CDH11: variants seen among roughly 807,000 people sequenced by gnomAD.
CDH11 encodes the protein cadherin 11, also known as cadherin-11.
Under a neutral mutation model 67.8 loss-of-function variants are expected in CDH11, and 11 were observed. The ratio of observed to expected loss-of-function variants is 0.16; its 90% CI spans 0.10 to 0.27. The LOEUF (loss-of-function observed/expected upper bound fraction) is 0.27, where lower values mean the gene tolerates loss of function less well. Among genes scored for constraint, CDH11 ranks in the 10% least tolerant of loss-of-function variants. The pLI, the probability that CDH11 is intolerant of heterozygous loss-of-function variation, is 1.00. For missense variants in CDH11, 847 were observed against 1,031.2 expected, an observed-to-expected ratio of 0.82 and a Z score of 2.45; for synonymous variants, 419 against 400.0, an observed-to-expected ratio of 1.05 and a Z score of -0.57.
At chr16:65,037,623 C>A (rs538984039) in intron 2 of CDH11, among the ~76,000 whole-genome samples, 50 of 152,130 alleles carry the variant, frequency 3.3e-4, no homozygotes, top group Non-Finnish European at 6.9e-4. Context: ...CCCCTAACAA[C>A]CCTGCTAGAG....
intron 2 of CDH11, among the ~76,000 whole-genome samples, chr16:65,032,544 C>G (rs1006096081): frequency 6.6e-6 from 1 of 151,960 alleles, no homozygotes; most frequent in African/African-American, 2.4e-5. Context: ...TGGCATCAAA[C>G]AAAATGATGT....
chr16:65,098,200 G>T (rs570390948), intron 1 of CDH11, among the ~76,000 whole-genome samples: 1 of 152,028 alleles, frequency 6.6e-6, no homozygotes, highest in Non-Finnish European at 1.5e-5. Flanking sequence ...GTAATGAGAG[G>T]TTCAATATTT....
At chr16:65,078,816 G>T (rs1403990022) in intron 1 of CDH11, among the ~76,000 whole-genome samples, 1 of 152,156 alleles carries the variant, frequency 6.6e-6, no homozygotes, top group Non-Finnish European at 1.5e-5. Context: ...GGAACCATGT[G>T]CAACTAATGC....
At chr16:65,091,263 T>C (rs910406423) in intron 1 of CDH11, among the ~76,000 whole-genome samples, 1 of 152,242 alleles carries the variant, frequency 6.6e-6, no homozygotes, top group Non-Finnish European at 1.5e-5. Flanking sequence ...ATTTTTGCCA[T>C]GATAGATATT....
intron 11 of CDH11, among the ~76,000 whole-genome samples, chr16:64,956,656 A>C (rs2071520506): frequency 6.6e-6 from 1 of 152,216 alleles, no homozygotes; most frequent in Admixed American, 6.5e-5. Context: ...TAATTACCAG[A>C]ATATGTCATG....
Position 64,988,172 on chromosome 16 carries a change from C to A in CDH11, c.984G>T (p.Val328=). 6.2e-7 allele frequency: 1 copy of A among 1,608,092 alleles called. No individual in the cohort carries two copies. Among genetic ancestry groups the A allele is most frequent in the Non-Finnish European group, 8.5e-7 (1 of 1,177,144 alleles). ...ITTDYETQEG[V]IKLKKPVDFE... is the part of the protein sequence containing the mutation. ...CCTAACTCACCTTTTTCAGCTTTAT[C>A]ACCCCCTCCTGTGTTTCATAGTCCG... The change falls in exon 7 of 13, where the codon GTG becomes GTT. Residue 328 remains valine, a synonymous_variant. Transcript: ENST00000268603.
rs1207397730 is a variant in CDH11, at chr16:64,973,021, T to C, written c.1273A>G (p.Thr425Ala). Residue 425 changes from threonine to alanine, a missense_variant, in exon 9 of 13, where the codon ACT becomes GCT. Around this residue, in one of 2 missense-constraint regions of CDH11, gnomAD observed 612 missense variants for 678.7 expected, o/e 0.90. Transcript: ENST00000268603. The stretch of plus-strand genomic sequence containing the variant: ...ATAGTGAAAAATCTGTCGAGGTCAG[T>C]GTGACGATCGATGGAATACCTAAGC... ...SPIRYSIDRH[T>A]DLDRFFTINP... 2 of 1,613,600 alleles carry C rather than the reference T, an allele frequency of 1.2e-6. No individual in the cohort carries two copies. The highest frequency in any genetic ancestry group is 1.1e-5 in the South Asian group (1 of 91,072).
chr16:65,094,632 T>C (rs2074855112), intron 1 of CDH11: 1 of 152,192 alleles, frequency 6.6e-6, no homozygotes, highest in African/African-American at 2.4e-5. Flanking sequence ...CTCTCCTTTG[T>C]ACCCCTCTCT....
At chr16:65,074,738 AAAC>A (rs2074479960) in intron 1 of CDH11, among the ~76,000 whole-genome samples, 1 of 152,218 alleles carries the variant, frequency 6.6e-6, no homozygotes, top group Middle Eastern at 3.2e-3. Flanking sequence ...TAATAAATAA[AAAC>A]AACTTAACTG....
Position 65,088,617 on chromosome 16 carries a change from T to C in CDH11, c.-298+33263A>G, listed in dbSNP as rs530106196. On this transcript the variant is annotated intron_variant, in intron 1 of 12. Transcript: ENST00000268603. The stretch of plus-strand genomic sequence containing the variant: ...AGAATTCCTCTAAGGGGTAATCATT[T>C]AGCACGTTTTCACTTTTGCCTCCTA... Among the ~76,000 whole-genome samples, 20 of 152,352 alleles carry C rather than the reference T, an allele frequency of 1.3e-4. No homozygotes were observed. In the South Asian group the frequency reaches 4.1e-3, roughly 32 times the overall value.
chr16:64,981,453 A>T (rs1235451535), intron 8 of CDH11: 1 of 152,116 alleles, frequency 6.6e-6, no homozygotes, highest in Non-Finnish European at 1.5e-5. Context: ...GGTATTCATA[A>T]TAATAAAATC....
chr16:65,050,051 C>T (rs1179115370), intron 2 of CDH11, among the ~76,000 whole-genome samples: 1 of 152,146 alleles, frequency 6.6e-6, no homozygotes, highest in Non-Finnish European at 1.5e-5. Flanking sequence ...CTGCGACCAG[C>T]AATTCCTGCT....
intron 2 of CDH11, among the ~76,000 whole-genome samples, chr16:65,022,764 T>C (rs778814653): frequency 7.9e-5 from 12 of 151,964 alleles, no homozygotes; most frequent in Non-Finnish European, 1.5e-4. Context: ...CAATATCAAA[T>C]GCTGAAAAAA....
At chr16:65,112,696 C>T (rs970281) in intron 1 of CDH11, among the ~76,000 whole-genome samples, 19,533 of 152,166 alleles carry the variant, frequency 0.13, 1,396 homozygotes, top group East Asian at 0.22. Context: ...CATTCTTACT[C>T]TGTTCTTTAC....
At chr16:65,081,121 T>C (rs147690448) in intron 1 of CDH11, among the ~76,000 whole-genome samples, 18 of 152,336 alleles carry the variant, frequency 1.2e-4, no homozygotes, top group African/African-American at 3.8e-4. Context: ...CATATGTCTG[T>C]CTAAATTCTA....
intron 2 of CDH11, among the ~76,000 whole-genome samples, chr16:65,020,100 A>G (rs1327131812): frequency 6.6e-6 from 1 of 152,184 alleles, no homozygotes; most frequent in African/African-American, 2.4e-5. Context: ...CTAGAACATC[A>G]GATAGAAGTA....
At chr16:64,995,398 T>C (rs2072738642) in intron 4 of CDH11, among the ~76,000 whole-genome samples, 1 of 152,070 alleles carries the variant, frequency 6.6e-6, no homozygotes, top group South Asian at 2.1e-4. Context: ...AACAGACACA[T>C]AGACCAGTGG....
At chr16:65,057,949 G>C (rs1387354236) in intron 1 of CDH11, among the ~76,000 whole-genome samples, 1 of 152,136 alleles carries the variant, frequency 6.6e-6, no homozygotes, top group African/African-American at 2.4e-5. Context: ...AAACACACTG[G>C]GAAGGCCAGC....
chr16:64,998,994 G>A, intron 3 of CDH11, 138 bp from the exon 4 acceptor site: 1 of 726,142 alleles, frequency 1.4e-6, no homozygotes, highest in South Asian at 1.8e-5. Context: ...TTTTACAACA[G>A]GAGAAAGGCA....
Sources: allele counts gnomAD v4.1 joint callset (sites outside exome capture counted in the v4.1 genomes callset), GRCh38; gene constraint gnomAD v4.1.1; regional missense constraint gnomAD v4.1.1; transcripts MANE v1.5; gene names NCBI Gene and HGNC (gene_info 2026-07-23, HGNC 2026-07-21).